The following STK10 variants were observed in gnomAD, a reference collection of about 807,000 sequenced individuals.
STK10 encodes serine/threonine kinase 10, also known as serine/threonine-protein kinase 10.
Under a neutral mutation model 113.8 loss-of-function variants are expected in STK10, and 78 were observed. The ratio of observed to expected loss-of-function variants is 0.69; its 90% CI spans 0.57 to 0.83. The LOEUF (loss-of-function observed/expected upper bound fraction) is 0.83. STK10 is among the 40% of genes least tolerant of loss of function. The pLI is 0.00. For synonymous variants in STK10, 465 were observed against 494.7 expected (o/e 0.94, Z 0.80); for missense variants, 1,109 against 1,280.1 (o/e 0.87, Z 2.04).
chr5:172,179,807 G>T (rs1446799430), intron 1 of STK10, among the ~76,000 whole-genome samples: 1 of 152,214 alleles, frequency 6.6e-6, no homozygotes, highest in East Asian at 1.9e-4. Context: ...CCCATCCCCA[G>T]AGGAAGTGGA....
chr5:172,097,594 C>T (rs1768887421), intron 7 of STK10, among the ~76,000 whole-genome samples: 1 of 152,172 alleles, frequency 6.6e-6, no homozygotes, highest in African/African-American at 2.4e-5. Context: ...GTAAACTGTT[C>T]CTGTTTTATT....
intron 13 of STK10, 45 bp from the exon 14 acceptor site, chr5:172,061,313 G>T (rs1187006750): frequency 1.3e-6 from 2 of 1,571,098 alleles, no homozygotes; most frequent in Admixed American, 2.0e-5. Flanking sequence ...AGCCGGCTTG[G>T]GCACCTCCAT....
intron 3 of STK10, among the ~76,000 whole-genome samples, chr5:172,125,434 G>C (rs184311919): frequency 3.3e-5 from 5 of 151,840 alleles, no homozygotes; most frequent in South Asian, 2.1e-4. Context: ...GCCCAGGCTG[G>C]AGTGCAGTGG....
chr5:172,102,287 G>T (rs538541814), intron 7 of STK10, among the ~76,000 whole-genome samples: 1 of 152,324 alleles, frequency 6.6e-6, no homozygotes, highest in Admixed American at 6.5e-5. Flanking sequence ...GAGTGTGGAA[G>T]AAAGAGGAGC....
At chr5:172,096,673 A>G in intron 7 of STK10, 113 bp from the exon 8 acceptor site, 2 of 1,425,374 alleles carry the variant, frequency 1.4e-6, no homozygotes, top group Non-Finnish European at 1.9e-6. Context: ...TCCTGAGCAA[A>G]ATGTGCACAT....
At chr5:172,119,155 T>C (rs895911071) in intron 3 of STK10, among the ~76,000 whole-genome samples, 4 of 151,352 alleles carry the variant, frequency 2.6e-5, no homozygotes, top group African/African-American at 9.7e-5. Context: ...GGGCCCTTCT[T>C]CCCTGAGGTT....
At chr5:172,055,913 T>A (rs1175621881) in intron 15 of STK10, 137 bp from the exon 16 acceptor site, 3 of 624,540 alleles carry the variant, frequency 4.8e-6, no homozygotes, top group Non-Finnish European at 7.0e-6. Context: ...TCAAGGCTGG[T>A]GTTATTTTGC....
chr5:172,100,686 C>A (rs1768969962), intron 7 of STK10, among the ~76,000 whole-genome samples: 1 of 152,092 alleles, frequency 6.6e-6, no homozygotes, highest in Non-Finnish European at 1.5e-5. Flanking sequence ...ACTCGGGAGG[C>A]TGAAGCAAGA....
chr5:172,131,032 G>GTTTT lies in STK10; in HGVS notation c.322-3615_322-3612dup, dbSNP rs773484183. 3.3e-3 allele frequency among the ~76,000 whole-genome samples: 365 copies of GTTTT among 109,508 alleles called. 17 individuals are homozygous for GTTTT. Among genetic ancestry groups the GTTTT allele is most frequent in the African/African-American group, 0.012 (313 of 26,970 alleles). 71.8% of individuals were successfully genotyped at this position (109,508 alleles called of 152,430 possible). A position where few individuals can be genotyped will look rare whatever the true frequency, so the allele number is the denominator to read the frequency against. The stretch of plus-strand genomic sequence containing the variant: ...AAAAGTTATGGACATGCCATCAGCT[G>GTTTT]TTTTTTTTTTTTTTTTTTTTTGACA... On this transcript the variant is annotated intron_variant, in intron 2 of 18. Transcript: ENST00000176763.
intron 1 of STK10, among the ~76,000 whole-genome samples, chr5:172,160,119 G>C (rs2113821746): frequency 6.6e-6 from 1 of 150,388 alleles, no homozygotes; most frequent in Non-Finnish European, 1.5e-5. Flanking sequence ...TTGGGCGACA[G>C]AGTGAGACTC....
intron 7 of STK10, among the ~76,000 whole-genome samples, chr5:172,099,844 G>A (rs902102488): frequency 6.6e-6 from 1 of 152,226 alleles, no homozygotes; most frequent in Non-Finnish European, 1.5e-5. Flanking sequence ...TTTTCATCGG[G>A]GCACCCCATG....
chr5:172,156,184 T>C (rs1770343175), intron 2 of STK10, among the ~76,000 whole-genome samples: 1 of 152,062 alleles, frequency 6.6e-6, no homozygotes, highest in African/African-American at 2.4e-5. Flanking sequence ...CTATGACAAA[T>C]AACAAAACAG....
rs111328539 is a variant in STK10, at chr5:172,141,986, C to G, written c.322-14565G>C. Among the ~76,000 whole-genome samples, 1,151 of 152,296 alleles carry G rather than the reference C, an allele frequency of 7.6e-3. 17 individuals carry two copies. The highest frequency in any genetic ancestry group is 0.026 in the African/African-American group (1,093 of 41,540). On this transcript the variant is annotated intron_variant, in intron 2 of 18. Transcript: ENST00000176763. ...ATTCATTCATAAATTTATCAGGCAC[C>G]TGCCCTGTACCAGGCATTGTTTTAG...
Position 172,045,038 on chromosome 5 carries a change from G to A in STK10, c.2767-16C>T, listed in dbSNP as rs370951185. On this transcript the variant is annotated splice_polypyrimidine_tract_variant and intron_variant, in intron 18 of 18. Coordinates refer to ENST00000176763, the MANE Select transcript of STK10 (RefSeq NM_005990.4). The stretch of plus-strand genomic sequence containing the variant: ...CTTCCAGAGCCTAGGGAAGAGAGAG[G>A]ATGGATGGCACTTGGTGAGATCTGC... 5 of 1,613,452 alleles carry A rather than the reference G, an allele frequency of 3.1e-6. No homozygotes were observed. Among genetic ancestry groups the A allele is most frequent in the African/African-American group, 2.7e-5 (2 of 74,920 alleles).
chr5:172,076,946 C>T (rs1205236242), intron 12 of STK10, among the ~76,000 whole-genome samples: 5 of 152,202 alleles, frequency 3.3e-5, no homozygotes, highest in African/African-American at 4.8e-5. Flanking sequence ...ACCAAAAACA[C>T]GAAGAAACGT....
intron 4 of STK10, among the ~76,000 whole-genome samples, chr5:172,114,137 C>T (rs1017793163): frequency 1.3e-5 from 2 of 151,994 alleles, no homozygotes; most frequent in African/African-American, 4.8e-5. Context: ...TGTGCTCTTT[C>T]CCACTATCTG....
Position 172,057,271 on chromosome 5 carries a change from C to T in STK10, c.2337+78G>A, listed in dbSNP as rs1767825988. On this transcript the variant is annotated intron_variant, in intron 15 of 18. Coordinates refer to ENST00000176763, the MANE Select transcript of STK10 (RefSeq NM_005990.4). ...ATCCAAAGTGTGCACCCAAGAGGTG[C>T]CCCATCACATACAGCCTCATGGCTC... 4 of 1,532,704 alleles carry T rather than the reference C, an allele frequency of 2.6e-6. No homozygotes were observed. In the East Asian group the frequency reaches 7.3e-5, roughly 28 times the overall value. The allele number at this position is 1,532,704 out of a possible 1,614,324, so 94.9% of individuals were successfully genotyped here.
intron 1 of STK10, among the ~76,000 whole-genome samples, chr5:172,170,127 T>C (rs865869661): frequency 0.039 from 5,934 of 151,876 alleles, 365 homozygotes; most frequent in African/African-American, 0.13. Context: ...GTATCCTTTT[T>C]TTTTTTTTTT....
intron 2 of STK10, among the ~76,000 whole-genome samples, chr5:172,129,876 C>G (rs1769711291): frequency 6.6e-6 from 1 of 152,210 alleles, no homozygotes; most frequent in South Asian, 2.1e-4. Context: ...GAATGATAAG[C>G]TCATCCAGGC....
Sources: allele counts gnomAD v4.1 joint callset (sites outside exome capture counted in the v4.1 genomes callset), GRCh38; gene constraint gnomAD v4.1.1; transcripts MANE v1.5; gene names NCBI Gene and HGNC (gene_info 2026-07-23, HGNC 2026-07-21).